The following PPP2R3A variants were observed in gnomAD, a reference collection of about 807,000 sequenced individuals.
PPP2R3A encodes the protein serine/threonine-protein phosphatase 2A regulatory subunit B'' subunit alpha.
In PPP2R3A, 80 loss-of-function variants were observed where a neutral mutation model predicts 106.9. The ratio of observed to expected loss-of-function variants is 0.75; its 90% CI spans 0.62 to 0.90. PPP2R3A has a LOEUF of 0.90. Among genes scored for constraint, PPP2R3A ranks in the 40% least tolerant of loss-of-function variants. PPP2R3A has a pLI of 0.00. For synonymous variants in PPP2R3A, 483 were observed against 468.3 expected (o/e 1.03, Z -0.41); for missense variants, 1,386 against 1,350.4 (o/e 1.03, Z -0.41).
At chr3:136,122,203 C>G (rs1342111894) in intron 13 of PPP2R3A, among the ~76,000 whole-genome samples, 1 of 152,008 alleles carries the variant, frequency 6.6e-6, no homozygotes, top group Admixed American at 6.6e-5. Flanking sequence ...CACCTGTAAC[C>G]CCAACACTCT....
chr3:136,140,384 A>C (rs1458051281), intron 13 of PPP2R3A, among the ~76,000 whole-genome samples: 1 of 144,584 alleles, frequency 6.9e-6, no homozygotes, highest in Non-Finnish European at 1.5e-5. Flanking sequence ...TGAGCCTAGG[A>C]GTTTGAGGCT....
chr3:136,082,422 G>A lies in PPP2R3A; in HGVS notation c.2788+1G>A. On this transcript the variant is annotated splice_donor_variant, in intron 8 of 13. Coordinates refer to ENST00000264977, the MANE Select transcript of PPP2R3A (RefSeq NM_002718.5). LOFTEE classifies it high-confidence loss of function. ...GATCTGTCTCGATACAATGACCAGG[G>A]TAAGTGATTCTGTAGATGCTAAGAC... 2 of 1,613,064 alleles carry A rather than the reference G, an allele frequency of 1.2e-6. No individual in the cohort carries two copies. The highest frequency in any genetic ancestry group is 1.7e-6 in the Non-Finnish European group (2 of 1,179,172).
intron 10 of PPP2R3A, among the ~76,000 whole-genome samples, chr3:136,096,760 A>G (rs570252575): frequency 6.6e-6 from 1 of 152,370 alleles, no homozygotes; most frequent in South Asian, 2.1e-4. Flanking sequence ...ATTAGGGGTA[A>G]GAAATCACTT....
chr3:136,018,025 G>A (rs1934337861), intron 2 of PPP2R3A, among the ~76,000 whole-genome samples: 1 of 152,244 alleles, frequency 6.6e-6, no homozygotes, highest in South Asian at 2.1e-4. Context: ...CCAGCACTTT[G>A]AGAGGCTGAG....
chr3:135,979,987 A>T (rs181460449), intron 1 of PPP2R3A, among the ~76,000 whole-genome samples: 2 of 151,858 alleles, frequency 1.3e-5, no homozygotes, highest in African/African-American at 2.4e-5. Flanking sequence ...GTTCATTCCA[A>T]TTTTAGTAAG....
chr3:136,120,510 C>T (rs1470404285), intron 13 of PPP2R3A, among the ~76,000 whole-genome samples: 4 of 152,024 alleles, frequency 2.6e-5, no homozygotes, highest in African/African-American at 9.7e-5. Flanking sequence ...ATCACTTGAG[C>T]TTGGGAGGCG....
At chr3:136,032,071 G>A (rs9856799) in intron 3 of PPP2R3A, among the ~76,000 whole-genome samples, 100,241 of 152,036 alleles carry the variant, frequency 0.66, 35,172 homozygotes, top group African/African-American at 0.9. Flanking sequence ...AGGAATTGTG[G>A]TGGGAATTGC....
At chr3:136,019,888 A>G (rs1299270945) in intron 2 of PPP2R3A, among the ~76,000 whole-genome samples, 1 of 152,180 alleles carries the variant, frequency 6.6e-6, no homozygotes, top group East Asian at 1.9e-4. Context: ...TTAAGGGTAT[A>G]ACAACAGGGC....
intron 5 of PPP2R3A, among the ~76,000 whole-genome samples, chr3:136,054,437 T>C (rs1045297293): frequency 2.6e-5 from 4 of 152,028 alleles, no homozygotes; most frequent in Non-Finnish European, 5.9e-5. Context: ...TTTTGTATTA[T>C]TAGTAGAGAT....
intron 1 of PPP2R3A, among the ~76,000 whole-genome samples, chr3:135,969,142 A>G (rs919985775): frequency 6.6e-6 from 1 of 152,170 alleles, no homozygotes; most frequent in Non-Finnish European, 1.5e-5. Context: ...ATGTGTATAT[A>G]TTTGTAATTA....
At chr3:136,010,675 C>A (rs1167591728) in intron 2 of PPP2R3A, among the ~76,000 whole-genome samples, 1 of 152,090 alleles carries the variant, frequency 6.6e-6, no homozygotes, top group Non-Finnish European at 1.5e-5. Context: ...ATCCGCCCAC[C>A]TCGGCCTCCC....
chr3:136,019,753 A>G (rs1284454516), intron 2 of PPP2R3A, among the ~76,000 whole-genome samples: 1 of 152,178 alleles, frequency 6.6e-6, no homozygotes, highest in Admixed American at 6.5e-5. Flanking sequence ...GCCACAGACC[A>G]GTTCTTTTCT....
chr3:136,007,413 G>C (rs1433598347), intron 2 of PPP2R3A, among the ~76,000 whole-genome samples: 1 of 152,208 alleles, frequency 6.6e-6, no homozygotes, highest in East Asian at 1.9e-4. Flanking sequence ...CCTGACATCA[G>C]GGTGCCCTTC....
chr3:136,029,151 G>A (rs1408276972), intron 3 of PPP2R3A, among the ~76,000 whole-genome samples: 6 of 152,162 alleles, frequency 3.9e-5, no homozygotes, highest in Admixed American at 6.5e-5. Flanking sequence ...TTTCTAACAC[G>A]AGAGCAATTT....
intron 3 of PPP2R3A, among the ~76,000 whole-genome samples, chr3:136,034,069 C>G (rs1463868507): frequency 1.4e-5 from 2 of 145,270 alleles, no homozygotes; most frequent in South Asian, 4.3e-4. Context: ...CAGAATCTCT[C>G]TCTGTTGCCA....
intron 1 of PPP2R3A, among the ~76,000 whole-genome samples, chr3:135,975,101 G>A (rs6807242): frequency 0.29 from 44,222 of 152,088 alleles, 6,784 homozygotes; most frequent in Non-Finnish European, 0.32. Context: ...CATCTTGGCA[G>A]TCTTGGTATT....
chr3:136,108,212 G>GACACACACACACACAC (rs375655120), intron 13 of PPP2R3A, among the ~76,000 whole-genome samples: 2,606 of 151,476 alleles, frequency 0.017, 83 homozygotes, highest in African/African-American at 0.061. Flanking sequence ...GCTAGACCCT[G>GACACACACACACACAC]ACACACACAC....
chr3:136,127,360 C>G (rs1938220103), intron 13 of PPP2R3A, among the ~76,000 whole-genome samples: 1 of 151,870 alleles, frequency 6.6e-6, no homozygotes, highest in South Asian at 2.1e-4. Context: ...ACAAGAACTT[C>G]CTGACATACA....
chr3:136,012,495 T>C (rs1934118997), intron 2 of PPP2R3A, among the ~76,000 whole-genome samples: 1 of 152,186 alleles, frequency 6.6e-6, no homozygotes, highest in Admixed American at 6.5e-5. Context: ...TTTCCTATTT[T>C]GCTGCAGCCA....
Sources: gnomAD v4.1 joint callset for allele counts (sites outside exome capture counted in the v4.1 genomes callset) on GRCh38, gnomAD v4.1.1 for gene constraint, MANE v1.5 for transcripts, NCBI Gene and HGNC (gene_info 2026-07-23, HGNC 2026-07-21) for gene names.